PRKN: variants seen among roughly 807,000 people sequenced by gnomAD.
PRKN encodes parkin RBR E3 ubiquitin protein ligase.
PRKN carries 56 observed loss-of-function variants against 59.5 expected under a neutral mutation model. The ratio of observed to expected loss-of-function variants is 0.94; its 90% CI spans 0.76 to 1.18. PRKN has a LOEUF of 1.18. PRKN is among the 50% of genes most tolerant of loss of function. The pLI, the probability that PRKN is intolerant of heterozygous loss-of-function variation, is 0.00. For missense variants in PRKN, 657 were observed against 596.4 expected, an observed-to-expected ratio of 1.10 and a Z score of -1.06; for synonymous variants, 250 against 222.1, an observed-to-expected ratio of 1.13 and a Z score of -1.12.
At chr6:162,384,668 A>C (rs964915970) in intron 2 of PRKN, among the ~76,000 whole-genome samples, 29 of 151,954 alleles carry the variant, frequency 1.9e-4, no homozygotes, top group East Asian at 1.2e-3. Context: ...AAAAACAAAA[A>C]AAAAAAACAC....
chr6:162,584,657 T>C (rs147145168), intron 1 of PRKN, among the ~76,000 whole-genome samples: 71 of 152,252 alleles, frequency 4.7e-4, no homozygotes, highest in African/African-American at 1.5e-3. Flanking sequence ...CAATGAATTG[T>C]GGGCATATCC....
chr6:162,306,275 C>G (rs561600064), intron 2 of PRKN, among the ~76,000 whole-genome samples: 4 of 152,230 alleles, frequency 2.6e-5, no homozygotes, highest in African/African-American at 9.6e-5. Flanking sequence ...TGCTGGTTCA[C>G]AAGAAATGAT....
At chr6:162,327,843 G>T (rs1783365859) in intron 2 of PRKN, among the ~76,000 whole-genome samples, 1 of 152,088 alleles carries the variant, frequency 6.6e-6, no homozygotes, top group Non-Finnish European at 1.5e-5. Context: ...TTTCTACTGG[G>T]TGGATGGGCC....
At chr6:161,958,876 A>C (rs2128247915) in intron 6 of PRKN, among the ~76,000 whole-genome samples, 1 of 136,786 alleles carries the variant, frequency 7.3e-6, no homozygotes, top group East Asian at 2.0e-4. Context: ...GTGAAACTCC[A>C]TCTCAAAAAA....
chr6:161,564,918 C>T (rs1780584026), intron 8 of PRKN, among the ~76,000 whole-genome samples: 1 of 152,196 alleles, frequency 6.6e-6, no homozygotes, highest in African/African-American at 2.4e-5. Context: ...CGGTGCTGAC[C>T]ATGCAGCTCC....
chr6:162,191,799 C>T (rs1490709123), intron 4 of PRKN, among the ~76,000 whole-genome samples: 1 of 152,144 alleles, frequency 6.6e-6, no homozygotes, highest in Non-Finnish European at 1.5e-5. Context: ...TGTTATCCTG[C>T]CTTGCACACA....
chr6:161,811,299 C>A (rs1285617597), intron 6 of PRKN, among the ~76,000 whole-genome samples: 3 of 148,828 alleles, frequency 2.0e-5, no homozygotes, highest in African/African-American at 2.5e-5. Context: ...TTTAGTTTCT[C>A]AAAAAAAAAA....
chr6:162,579,696 AAC>A (rs757612385), intron 1 of PRKN, among the ~76,000 whole-genome samples: 3 of 148,796 alleles, frequency 2.0e-5, no homozygotes, highest in South Asian at 2.1e-4. Context: ...CACATACATA[AAC>A]ACACAAATTT....
chr6:161,787,126 C>T (rs1355093383), intron 6 of PRKN, among the ~76,000 whole-genome samples: 1 of 152,026 alleles, frequency 6.6e-6, no homozygotes, highest in East Asian at 1.9e-4. Context: ...CAATCTTTAA[C>T]GCCTATAAGA....
chr6:162,521,886 T>A (rs368849110), intron 1 of PRKN, among the ~76,000 whole-genome samples: 1 of 152,276 alleles, frequency 6.6e-6, no homozygotes, highest in East Asian at 1.9e-4. Context: ...TAAGCATGAA[T>A]AGAATTTTAA....
At chr6:162,534,789 C>T (rs1778651050) in intron 1 of PRKN, among the ~76,000 whole-genome samples, 1 of 152,140 alleles carries the variant, frequency 6.6e-6, no homozygotes, top group Non-Finnish European at 1.5e-5. Context: ...GGAGAAGAGC[C>T]ATGCAGACTG....
At chr6:161,898,344 G>C (rs1309911625) in intron 6 of PRKN, among the ~76,000 whole-genome samples, 3 of 152,278 alleles carry the variant, frequency 2.0e-5, no homozygotes, top group East Asian at 3.9e-4. Context: ...ACAGGTTCTA[G>C]GGAATCACGA....
At chr6:161,897,746 C>T (rs1476734203) in intron 6 of PRKN, among the ~76,000 whole-genome samples, 2 of 150,926 alleles carry the variant, frequency 1.3e-5, no homozygotes, top group African/African-American at 4.9e-5. Context: ...CTTTGGGAGG[C>T]TGAGGCGGGT....
chr6:161,583,655 A>G (rs1310187417), intron 7 of PRKN, among the ~76,000 whole-genome samples: 1 of 152,198 alleles, frequency 6.6e-6, no homozygotes, highest in Non-Finnish European at 1.5e-5. Flanking sequence ...CATCTCCTAG[A>G]TAACTCATTG....
At chr6:161,882,148 C>T (rs944963172) in intron 6 of PRKN, among the ~76,000 whole-genome samples, 5 of 152,170 alleles carry the variant, frequency 3.3e-5, no homozygotes, top group Non-Finnish European at 7.3e-5. Context: ...ATGTCCATTC[C>T]TGTGCTTTGG....
intron 2 of PRKN, among the ~76,000 whole-genome samples, chr6:162,358,572 G>A (rs1363968570): frequency 6.6e-6 from 1 of 152,058 alleles, no homozygotes; most frequent in Admixed American, 6.6e-5. Context: ...TTAAGACAAT[G>A]CCACATTCAT....
chr6:162,211,628 A>G (rs1173719112), intron 3 of PRKN, among the ~76,000 whole-genome samples: 2 of 152,194 alleles, frequency 1.3e-5, no homozygotes, highest in African/African-American at 2.4e-5. Flanking sequence ...GTGAGCCTCC[A>G]AACTCCCACA....
At chr6:161,789,704 G>C (rs1790563022) in intron 6 of PRKN, among the ~76,000 whole-genome samples, 1 of 152,080 alleles carries the variant, frequency 6.6e-6, no homozygotes, top group Non-Finnish European at 1.5e-5. Context: ...TCCTTCCTTA[G>C]CTATCAACAT....
chr6:162,639,664 G>A lies in PRKN; in HGVS notation c.7+87998C>T, dbSNP rs1170499415. The stretch of plus-strand genomic sequence containing the variant: ...CAAAGGTAAAAGCCTACACTGAACG[G>A]AAAAACACTCAGTAGTTGCTCCATT... On this transcript the variant is annotated intron_variant, in intron 1 of 11. Transcript: ENST00000366898. 1.5e-4 allele frequency among the ~76,000 whole-genome samples: 19 copies of A among 130,940 alleles called. No individual in the cohort carries two copies. The Admixed American group carries it at 1.5e-3, about 11-fold the overall frequency. 85.9% of individuals were successfully genotyped at this position (130,940 alleles called of 152,430 possible). A position where few individuals can be genotyped will look rare whatever the true frequency, so the allele number is the denominator to read the frequency against.
Sources: allele counts gnomAD v4.1 joint callset (sites outside exome capture counted in the v4.1 genomes callset), GRCh38; gene constraint gnomAD v4.1.1; transcripts MANE v1.5; gene names NCBI Gene and HGNC (gene_info 2026-07-23, HGNC 2026-07-21).